Variants in RB1CC1 observed in about 807,000 individuals in gnomAD.
The protein encoded by RB1CC1 is RB1 inducible coiled-coil 1.
RB1CC1 carries 46 observed loss-of-function variants against 177.5 expected under a neutral mutation model. The observed-to-expected ratio is 0.26, with a 90% CI of 0.20 to 0.33. RB1CC1 has a LOEUF of 0.33. Among genes scored for constraint, RB1CC1 ranks in the 10% least tolerant of loss-of-function variants. The probability of loss-of-function intolerance (pLI) is 1.00; values close to 1 mark genes in which losing one functional copy is unlikely to be tolerated. For synonymous variants in RB1CC1, 666 were observed against 613.6 expected (o/e 1.09, Z -1.26); for missense variants, 1,703 against 1,816.3 (o/e 0.94, Z 1.13).
At chr8:52,711,012 G>A (rs1389562297) in intron 1 of RB1CC1, among the ~76,000 whole-genome samples, 2 of 152,038 alleles carry the variant, frequency 1.3e-5, no homozygotes, top group African/African-American at 4.8e-5. Flanking sequence ...ACAAAAAAAG[G>A]AAATGGAACA....
chr8:52,632,264 A>G lies in RB1CC1; in HGVS notation c.4441-1736T>C, dbSNP rs193172316. Among the ~76,000 whole-genome samples the G allele has an allele frequency of 9.8e-4, 149 of 152,308 alleles. 2 individuals carry two copies. The highest frequency in any genetic ancestry group is 3.4e-3 in the Middle Eastern group (1 of 294). ...TTCCCAAGCAAAGTGAGCCCAATGC[A>G]TGGTTGCACAAACCAAGGACAGATA... On this transcript the variant is annotated intron_variant, in intron 20 of 23. Transcript: ENST00000025008.
At position 52,670,425 on chromosome 8, in the gene RB1CC1, G is replaced by A. The variant is rs1442573373; in HGVS notation, c.1003-2234C>T. On this transcript the variant is annotated intron_variant, in intron 7 of 23. Transcript: ENST00000025008. ...TCTTGGGCTCTTTGGCATCTACAAAGGCTAACATTATTTTTAACTGAGAAA... is the reference window on the plus strand; with the variant it reads ...TCTTGGGCTCTTTGGCATCTACAAAAGCTAACATTATTTTTAACTGAGAAA... Among the ~76,000 whole-genome samples, 8 of 152,238 alleles carry A rather than the reference G, an allele frequency of 5.3e-5. No homozygotes were observed. In the South Asian group the frequency reaches 1.7e-3, roughly 32 times the overall value.
At chr8:52,697,295 T>TAAAAAAAAAAAAAA in intron 1 of RB1CC1, among the ~76,000 whole-genome samples, 1 of 87,932 alleles carries the variant, frequency 1.1e-5, no homozygotes, top group South Asian at 3.0e-4. Flanking sequence ...AAATGGTTAC[T>TAAAAAAAAAAAAAA]AAAAAAAAAA....
intron 1 of RB1CC1, among the ~76,000 whole-genome samples, chr8:52,703,016 G>A (rs1202471059): frequency 2.6e-5 from 4 of 151,894 alleles, no homozygotes; most frequent in Admixed American, 6.6e-5. Flanking sequence ...AAATGACAAA[G>A]CAGAATCCAA....
rs750511591 is a variant in RB1CC1, at chr8:52,622,757, A to G, written c.*1025T>C. 3 of 152,052 alleles carry G rather than the reference A, an allele frequency of 2.0e-5. No individual in the cohort carries two copies. The South Asian group carries it at 6.2e-4, about 31-fold the overall frequency. 9.4% of individuals were successfully genotyped at this position (152,052 alleles called of 1,614,324 possible). ...CATAACACTGTTTACCCTGTTACAT[A>G]GTATATAGTTAAAGAACATTTTTGT... is the stretch of plus-strand genomic sequence containing the variant. On this transcript the variant is annotated 3_prime_UTR_variant, in exon 24 of 24. Transcript: ENST00000025008.
At chr8:52,701,571 C>CT (rs1856063697) in intron 1 of RB1CC1, among the ~76,000 whole-genome samples, 1 of 152,010 alleles carries the variant, frequency 6.6e-6, no homozygotes, top group Admixed American at 6.5e-5. Flanking sequence ...TTTTCTTTTT[C>CT]TTTAAGAGAT....
At chr8:52,681,433 C>T (rs1477980134) in intron 5 of RB1CC1, among the ~76,000 whole-genome samples, 5 of 152,152 alleles carry the variant, frequency 3.3e-5, no homozygotes, top group African/African-American at 1.2e-4. Context: ...TAAAAGGTCA[C>T]ACCACAGGTA....
In RB1CC1 at chr8:52,656,316, GT is replaced by G; in HGVS notation, c.3512del (p.Asn1171ThrfsTer2). The G allele has an allele frequency of 6.2e-7, 1 of 1,612,516 alleles. No individual in the cohort carries two copies. The highest frequency in any genetic ancestry group is 1.3e-5 in the African/African-American group (1 of 74,876). ...LHNQAFEIEK[N>X]LKEQIIELQS... ...GCAGTTCAATTATTTGTTCTTTTAG[GT>G]TTTTTTCTATTTCAAATGCTTGGTT... is the stretch of plus-strand genomic sequence containing the variant. On this transcript the variant is annotated frameshift_variant, in exon 15 of 24. Transcript: ENST00000025008. LOFTEE classifies it high-confidence loss of function.
Position 52,634,817 on chromosome 8 carries a change from A to C in RB1CC1, c.4440+104T>G, listed in dbSNP as rs551175117. On this transcript the variant is annotated intron_variant, in intron 20 of 23. Coordinates refer to ENST00000025008, the MANE Select transcript of RB1CC1 (RefSeq NM_014781.5). ...CGGACCAACAAACCTACTATAGATA[A>C]GTCAATCAAAGCATACATCCTCTGA... 9.7e-5 allele frequency: 94 copies of C among 967,242 alleles called. No homozygotes were observed. The African/African-American group carries it at 1.5e-3, about 15-fold the overall frequency. The allele number at this position is 967,242 out of a possible 1,614,324, so 59.9% of individuals were successfully genotyped here.
intron 18 of RB1CC1, among the ~76,000 whole-genome samples, chr8:52,636,274 A>G (rs1849136688): frequency 6.6e-6 from 1 of 152,212 alleles, no homozygotes; most frequent in African/African-American, 2.4e-5. Context: ...TTTTGAAATA[A>G]TAAGTAAAAC....
At chr8:52,713,108 TAAG>T (rs1433284749) in intron 1 of RB1CC1, among the ~76,000 whole-genome samples, 1 of 152,174 alleles carries the variant, frequency 6.6e-6, no homozygotes, top group African/African-American at 2.4e-5. Flanking sequence ...CACAAAAACT[TAAG>T]AAACTACACA....
chr8:52,706,689 G>T (rs550539307), intron 1 of RB1CC1, among the ~76,000 whole-genome samples: 4 of 149,446 alleles, frequency 2.7e-5, no homozygotes, highest in African/African-American at 9.9e-5. Context: ...CCGAGATCTC[G>T]CCACTGCACT....
intron 1 of RB1CC1, among the ~76,000 whole-genome samples, chr8:52,695,681 G>GT (rs943966826): frequency 3.7e-4 from 57 of 152,336 alleles, no homozygotes; most frequent in African/African-American, 1.3e-3. Flanking sequence ...ACTGTCACGC[G>GT]TTGTGGCCAA....
intron 7 of RB1CC1, among the ~76,000 whole-genome samples, chr8:52,671,143 G>A (rs893233379): frequency 6.6e-5 from 10 of 152,126 alleles, no homozygotes; most frequent in African/African-American, 2.4e-4. Context: ...AGTGACTTAT[G>A]GATGACAGAT....
At chr8:52,710,160 A>C (rs1447074280) in intron 1 of RB1CC1, among the ~76,000 whole-genome samples, 2 of 152,188 alleles carry the variant, frequency 1.3e-5, no homozygotes, top group Non-Finnish European at 2.9e-5. Flanking sequence ...AGTCTCCCCA[A>C]ATCAGATGTA....
intron 5 of RB1CC1, among the ~76,000 whole-genome samples, chr8:52,682,572 C>T (rs1283681826): frequency 6.6e-6 from 1 of 151,830 alleles, no homozygotes; most frequent in Admixed American, 6.6e-5. Flanking sequence ...TGTTTTCATT[C>T]TTTCGTTGAA....
intron 1 of RB1CC1, among the ~76,000 whole-genome samples, chr8:52,698,702 T>G (rs1591126451): frequency 9.5e-5 from 1 of 10,524 alleles, no homozygotes. Context: ...TTTTTTTTTT[T>G]TTTTTTTTTT....
intron 18 of RB1CC1, among the ~76,000 whole-genome samples, chr8:52,638,763 T>C (rs745914383): frequency 9.9e-5 from 15 of 152,108 alleles, no homozygotes; most frequent in Non-Finnish European, 1.9e-4. Flanking sequence ...TGTTTATATA[T>C]ACAATGTAAA....
intron 1 of RB1CC1, among the ~76,000 whole-genome samples, chr8:52,696,676 A>T (rs1411272599): frequency 6.6e-6 from 1 of 152,190 alleles, no homozygotes; most frequent in African/African-American, 2.4e-5. Context: ...CTTAAAAAGC[A>T]AAGAAATTAA....
Sources: gnomAD v4.1 joint callset for allele counts (sites outside exome capture counted in the v4.1 genomes callset) on GRCh38, gnomAD v4.1.1 for gene constraint, MANE v1.5 for transcripts, NCBI Gene and HGNC (gene_info 2026-07-23, HGNC 2026-07-21) for gene names.